Variants in SLC8A1 observed in about 807,000 individuals in gnomAD.
SLC8A1 encodes sodium/calcium exchanger 1.
SLC8A1 carries 18 observed loss-of-function variants against 68.3 expected under a neutral mutation model. The ratio of observed to expected loss-of-function variants is 0.26; its 90% CI spans 0.18 to 0.39. The LOEUF is 0.39. Ranked by LOEUF, SLC8A1 falls within the 10% of genes least tolerant of loss-of-function variation. The pLI is 1.00. For missense variants in SLC8A1, 985 were observed against 1,156.7 expected (o/e 0.85, Z 2.15); for synonymous variants, 475 against 415.5 (o/e 1.14, Z -1.74).
In SLC8A1 at chr2:40,399,329, G is replaced by A. The variant is rs536082634; in HGVS notation, c.1808+29144C>T. Among the ~76,000 whole-genome samples the A allele has an allele frequency of 7.9e-5, 12 of 151,332 alleles. No individual in the cohort carries two copies. In the South Asian group the frequency reaches 1.5e-3, roughly 18 times the overall value. ...CTACCCCTCGTCTCCCCTACCCCTC[G>A]TCTCCCCTTTTTCACATACCCCACA... On this transcript the variant is annotated intron_variant, in intron 2 of 7. Coordinates refer to ENST00000406785, the Ensembl canonical transcript of SLC8A1.
exon 8 of SLC8A1, chr2:40,114,956 A>G (rs993759817): frequency 1.1e-5 from 2 of 182,264 alleles, no homozygotes; most frequent in African/African-American, 4.7e-5. Context: ...CACTGAAAAC[A>G]AAACCAAAAA....
At chr2:40,498,918 G>A (rs1173492282) in intron 1 of SLC8A1, among the ~76,000 whole-genome samples, 1 of 151,884 alleles carries the variant, frequency 6.6e-6, no homozygotes, top group Non-Finnish European at 1.5e-5. Flanking sequence ...GCTGAGTTGG[G>A]GCTGTCAACT....
At chr2:40,257,600 C>T (rs972367440) in intron 2 of SLC8A1, among the ~76,000 whole-genome samples, 1 of 152,140 alleles carries the variant, frequency 6.6e-6, no homozygotes, top group Non-Finnish European at 1.5e-5. Flanking sequence ...TATCAACACT[C>T]CCCCTGTGAC....
rs575205636 is a variant in SLC8A1 at position 40,341,078 on chromosome 2, G to A, written c.1808+87395C>T. Among the ~76,000 whole-genome samples the A allele has an allele frequency of 5.9e-5, 9 of 152,250 alleles. No homozygotes were observed. The South Asian group carries it at 1.9e-3, about 32-fold the overall frequency. On this transcript the variant is annotated intron_variant, in intron 2 of 7. Transcript: ENST00000406785. ...AAGGAATGGAGTAGTAGAGAGAAGA[G>A]GGGTTTTGTTTCCCAACCAGAAAGT...
intron 2 of SLC8A1, among the ~76,000 whole-genome samples, chr2:40,348,471 T>G (rs1251149432): frequency 6.6e-6 from 1 of 152,202 alleles, no homozygotes; most frequent in East Asian, 1.9e-4. Context: ...AAAAGCTTTT[T>G]TTCTGAACTC....
chr2:40,284,626 G>A (rs2068019136), intron 2 of SLC8A1, among the ~76,000 whole-genome samples: 2 of 145,564 alleles, frequency 1.4e-5, no homozygotes. Flanking sequence ...TAAATTGAAA[G>A]CTTTTGGGGA....
intron 2 of SLC8A1, among the ~76,000 whole-genome samples, chr2:40,323,689 G>T (rs2075475855): frequency 6.6e-6 from 1 of 152,002 alleles, no homozygotes; most frequent in African/African-American, 2.4e-5. Context: ...CAGTTCCTAA[G>T]GGGGGAAATA....
At chr2:40,310,925 G>C (rs555196236) in intron 2 of SLC8A1, among the ~76,000 whole-genome samples, 5 of 152,220 alleles carry the variant, frequency 3.3e-5, no homozygotes, top group African/African-American at 1.2e-4. Flanking sequence ...TAAAAGAAAA[G>C]TTTGATGTTC....
intron 2 of SLC8A1, among the ~76,000 whole-genome samples, chr2:40,402,183 C>T (rs1688943224): frequency 6.6e-6 from 1 of 152,172 alleles, no homozygotes; most frequent in Non-Finnish European, 1.5e-5. Context: ...TTCTGGTCTT[C>T]CTCACTGCTG....
At chr2:40,195,223 T>G (rs2052729645) in intron 2 of SLC8A1, among the ~76,000 whole-genome samples, 1 of 152,120 alleles carries the variant, frequency 6.6e-6, no homozygotes. Context: ...TTACTGCTTT[T>G]GTTTCTGAGT....
chr2:40,351,135 TATC>T (rs1670948403), intron 2 of SLC8A1, among the ~76,000 whole-genome samples: 1 of 152,342 alleles, frequency 6.6e-6, no homozygotes, highest in South Asian at 2.1e-4. Flanking sequence ...TCATACTTTG[TATC>T]ATATTTTATA....
chr2:40,294,938 C>G (rs560657379), intron 2 of SLC8A1, among the ~76,000 whole-genome samples: 1 of 151,842 alleles, frequency 6.6e-6, no homozygotes, highest in Non-Finnish European at 1.5e-5. Context: ...TGGCTTCCAC[C>G]GGGGTGACAA....
chr2:40,243,892 A>G (rs1183955649), intron 2 of SLC8A1, among the ~76,000 whole-genome samples: 1 of 152,142 alleles, frequency 6.6e-6, no homozygotes, highest in Non-Finnish European at 1.5e-5. Flanking sequence ...AACAAACATT[A>G]TTTCTAAAAC....
intron 2 of SLC8A1, among the ~76,000 whole-genome samples, chr2:40,304,994 G>A (rs1206857503): frequency 2.0e-5 from 3 of 152,198 alleles, no homozygotes; most frequent in African/African-American, 7.2e-5. Flanking sequence ...CATCACTTAA[G>A]AATTTTGTTA....
At chr2:40,507,218 T>C (rs1032549686) in intron 1 of SLC8A1, among the ~76,000 whole-genome samples, 1 of 151,974 alleles carries the variant, frequency 6.6e-6, no homozygotes, top group Non-Finnish European at 1.5e-5. Flanking sequence ...CATTTTCCAA[T>C]CGTCTTTACT....
chr2:40,303,542 G>A (rs910342357), intron 2 of SLC8A1, among the ~76,000 whole-genome samples: 1 of 152,100 alleles, frequency 6.6e-6, no homozygotes, highest in Admixed American at 6.6e-5. Context: ...CTCAAATTTG[G>A]GGAACCTCTA....
chr2:40,236,226 T>G (rs2060349923), intron 2 of SLC8A1, among the ~76,000 whole-genome samples: 1 of 151,346 alleles, frequency 6.6e-6, no homozygotes, highest in African/African-American at 2.4e-5. Context: ...TATTAATGTG[T>G]GGGAGTCTAA....
intron 2 of SLC8A1, among the ~76,000 whole-genome samples, chr2:40,378,023 C>T (rs1680483598): frequency 6.6e-6 from 1 of 152,110 alleles, no homozygotes; most frequent in East Asian, 1.9e-4. Flanking sequence ...TCCATTCATT[C>T]ATTCATCAAA....
intron 6 of SLC8A1, among the ~76,000 whole-genome samples, chr2:40,159,460 T>C (rs987330): frequency 0.85 from 128,866 of 152,180 alleles, 55,036 homozygotes; most frequent in Non-Finnish European, 0.91. Flanking sequence ...TTTAATGTTT[T>C]AATTCTAATA....
Sources: allele counts gnomAD v4.1 joint callset (sites outside exome capture counted in the v4.1 genomes callset), GRCh38; gene constraint gnomAD v4.1.1; transcripts MANE v1.5; gene names NCBI Gene and HGNC (gene_info 2026-07-23, HGNC 2026-07-21).